Variants in ST3GAL3 observed in about 807,000 individuals in gnomAD.
ST3GAL3 encodes the protein CMP-N-acetylneuraminate-beta-1,4-galactoside alpha-2,3-sialyltransferase.
In ST3GAL3, 21 loss-of-function variants were observed where a neutral mutation model predicts 50.1. That is an observed-to-expected ratio of 0.42 (90% confidence interval 0.30 to 0.60). The LOEUF (loss-of-function observed/expected upper bound fraction) is 0.60, where lower values mean the gene tolerates loss of function less well. ST3GAL3 is among the 20% of genes least tolerant of loss of function. ST3GAL3 has a pLI of 0.19. For missense variants in ST3GAL3, 353 were observed against 489.4 expected (o/e 0.72, Z 2.63); for synonymous variants, 183 against 190.0 (o/e 0.96, Z 0.30).
At chr1:43,798,959 A>G (rs760918724) in intron 3 of ST3GAL3, among the ~76,000 whole-genome samples, 2 of 152,266 alleles carry the variant, frequency 1.3e-5, no homozygotes, top group Non-Finnish European at 2.9e-5. Context: ...ATAATGGCAT[A>G]TCCATTCATT....
intron 4 of ST3GAL3, among the ~76,000 whole-genome samples, chr1:43,825,627 G>A (rs2062695255): frequency 6.6e-6 from 1 of 152,202 alleles, no homozygotes; most frequent in African/African-American, 2.4e-5. Context: ...AATTATGTGG[G>A]GTTTTAGAGA....
At chr1:43,710,094 A>G (rs1037467207) in intron 1 of ST3GAL3, among the ~76,000 whole-genome samples, 6 of 150,540 alleles carry the variant, frequency 4.0e-5, no homozygotes, top group African/African-American at 1.5e-4. Flanking sequence ...ATCTGCTTCT[A>G]TTTTTGAGTC....
chr1:43,789,506 G>A (rs911088142), intron 2 of ST3GAL3, among the ~76,000 whole-genome samples: 4 of 152,174 alleles, frequency 2.6e-5, no homozygotes, highest in Admixed American at 2.6e-4. Flanking sequence ...CAATAAAGCT[G>A]TTTTTAAAAG....
At chr1:43,900,579 C>T (rs2078129684) in intron 9 of ST3GAL3, among the ~76,000 whole-genome samples, 1 of 152,186 alleles carries the variant, frequency 6.6e-6, no homozygotes, top group African/African-American at 2.4e-5. Flanking sequence ...AGAGCTCAGG[C>T]CATTCATCTT....
chr1:43,792,188 A>G (rs973101378), intron 3 of ST3GAL3, 39 bp downstream of exon 3: 14 of 1,613,228 alleles, frequency 8.7e-6, no homozygotes, highest in East Asian at 2.2e-5. Flanking sequence ...TTTGGCCTTC[A>G]ATATTAGCCA....
chr1:43,823,858 G>T (rs1270189277), intron 4 of ST3GAL3, among the ~76,000 whole-genome samples: 1 of 152,216 alleles, frequency 6.6e-6, no homozygotes, highest in Non-Finnish European at 1.5e-5. Context: ...TAAGTAATTT[G>T]CTTATGTTCA....
intron 5 of ST3GAL3, among the ~76,000 whole-genome samples, chr1:43,881,239 G>C (rs1230179146): frequency 6.6e-6 from 1 of 152,186 alleles, no homozygotes; most frequent in Non-Finnish European, 1.5e-5. Flanking sequence ...TTGAACTCCC[G>C]ACCTCAGGTG....
rs1275391512 is a variant in ST3GAL3 at position 43,825,588 on chromosome 1, G to A, written c.209+10655G>A. Among the ~76,000 whole-genome samples the A allele has an allele frequency of 2.0e-5, 3 of 152,226 alleles. No individual in the cohort carries two copies. The East Asian group carries it at 5.8e-4, about 29-fold the overall frequency. On this transcript the variant is annotated intron_variant, in intron 4 of 11. Coordinates refer to ENST00000347631, the MANE Select transcript of ST3GAL3 (RefSeq NM_006279.5). ...TCCAGGAGACCTGAGGGTGGAACTTGAGAAGTCTGGAGGAATGGGCAGAGA... is the reference window on the plus strand; with the variant it reads ...TCCAGGAGACCTGAGGGTGGAACTTAAGAAGTCTGGAGGAATGGGCAGAGA...
intron 1 of ST3GAL3, among the ~76,000 whole-genome samples, chr1:43,714,893 T>A (rs964270284): frequency 6.6e-6 from 1 of 152,230 alleles, no homozygotes; most frequent in Non-Finnish European, 1.5e-5. Flanking sequence ...TGGCTTGACA[T>A]GAGTTCCTCC....
At chr1:43,773,273 T>A (rs1695995439) in intron 2 of ST3GAL3, among the ~76,000 whole-genome samples, 1 of 152,114 alleles carries the variant, frequency 6.6e-6, no homozygotes, top group South Asian at 2.1e-4. Context: ...TACCTGTGAT[T>A]TTTTTGTTTT....
Position 43,920,871 on chromosome 1 carries a change from C to T in ST3GAL3, c.981C>T (p.Ser327=), listed in dbSNP as rs2082909349. 6.8e-6 allele frequency: 11 copies of T among 1,613,762 alleles called. No individual in the cohort carries two copies. The highest frequency in any genetic ancestry group is 2.2e-5 in the South Asian group (2 of 91,054). The change falls in exon 11 of 12, where the codon AGC becomes AGT. Residue 327 remains serine, a synonymous_variant. Coordinates refer to ENST00000347631, the MANE Select transcript of ST3GAL3 (RefSeq NM_006279.5). ...TCGCAGGATTTGGCTATGACATGAG[C>T]ACACCCAACGCACCCCTGCACTACT... is the stretch of plus-strand genomic sequence containing the variant. ...VAVAGFGYDM[S]TPNAPLHYYE... is the part of the protein sequence containing the mutation.
intron 1 of ST3GAL3, among the ~76,000 whole-genome samples, chr1:43,713,452 A>G (rs1353303027): frequency 6.6e-6 from 1 of 151,602 alleles, no homozygotes; most frequent in Non-Finnish European, 1.5e-5. Flanking sequence ...AATCTTTAGT[A>G]TATTACCTGG....
intron 6 of ST3GAL3, among the ~76,000 whole-genome samples, chr1:43,895,554 T>G (rs909436133): frequency 2.6e-5 from 4 of 152,128 alleles, no homozygotes; most frequent in Non-Finnish European, 5.9e-5. Flanking sequence ...ACTACTACTG[T>G]GTAAAGTTGT....
At chr1:43,807,996 C>T (rs1360383029) in intron 3 of ST3GAL3, among the ~76,000 whole-genome samples, 1 of 152,034 alleles carries the variant, frequency 6.6e-6, no homozygotes, top group Non-Finnish European at 1.5e-5. Flanking sequence ...GTCCAGGAAG[C>T]AGCTGGATAT....
intron 2 of ST3GAL3, among the ~76,000 whole-genome samples, chr1:43,769,694 T>C (rs16831166): frequency 6.6e-6 from 1 of 152,218 alleles, no homozygotes; most frequent in African/African-American, 2.4e-5. Context: ...ATACTCTCTT[T>C]GCTATCTTGA....
At chr1:43,896,818 T>C (rs549594069) in intron 6 of ST3GAL3, 1 of 152,320 alleles carries the variant, frequency 6.6e-6, no homozygotes, top group Admixed American at 6.5e-5. Flanking sequence ...GTGCTGGGAT[T>C]ACAGGTGTGA....
chr1:43,718,525 T>G (rs912375480), intron 1 of ST3GAL3, among the ~76,000 whole-genome samples: 1 of 151,442 alleles, frequency 6.6e-6, no homozygotes, highest in African/African-American at 2.4e-5. Flanking sequence ...GCTTGAGTTT[T>G]TTTTTATTTT....
intron 5 of ST3GAL3, among the ~76,000 whole-genome samples, chr1:43,871,370 A>G (rs1423412562): frequency 6.6e-6 from 1 of 152,146 alleles, no homozygotes; most frequent in African/African-American, 2.4e-5. Flanking sequence ...AGACTGAGAC[A>G]TGAGCCCATG....
At chr1:43,860,069 CT>C (rs1390543298) in intron 5 of ST3GAL3, among the ~76,000 whole-genome samples, 3 of 152,220 alleles carry the variant, frequency 2.0e-5, no homozygotes, top group African/African-American at 7.2e-5. Flanking sequence ...GTCCCTTCCC[CT>C]GAAGGGCTTC....
Sources: gnomAD v4.1 joint callset for allele counts (sites outside exome capture counted in the v4.1 genomes callset) on GRCh38, gnomAD v4.1.1 for gene constraint, MANE v1.5 for transcripts, NCBI Gene and HGNC (gene_info 2026-07-23, HGNC 2026-07-21) for gene names.